Variants in DLGAP1 observed in about 807,000 individuals in gnomAD.
The protein encoded by DLGAP1 is DLG associated protein 1, also known as disks large-associated protein 1.
DLGAP1 carries 11 observed loss-of-function variants against 90.8 expected under a neutral mutation model. The observed-to-expected ratio is 0.12, with a 90% confidence interval of 0.08 to 0.20. DLGAP1 has a LOEUF of 0.20. Among genes scored for constraint, DLGAP1 ranks in the 10% least tolerant of loss-of-function variants. DLGAP1 has a pLI of 1.00. For missense variants in DLGAP1, 1,050 were observed against 1,333.8 expected, an observed-to-expected ratio of 0.79 and a Z score of 3.31; for synonymous variants, 558 against 540.7, an observed-to-expected ratio of 1.03 and a Z score of -0.44.
At chr18:3,642,379 C>T (rs1426582539) in intron 7 of DLGAP1, among the ~76,000 whole-genome samples, 6 of 152,108 alleles carry the variant, frequency 3.9e-5, no homozygotes, top group Non-Finnish European at 8.8e-5. Flanking sequence ...GGAGCATTTT[C>T]GATTTCAGAT....
At chr18:3,669,851 A>C (rs2060023658) in intron 7 of DLGAP1, among the ~76,000 whole-genome samples, 2 of 152,260 alleles carry the variant, frequency 1.3e-5, no homozygotes, top group South Asian at 4.2e-4. Flanking sequence ...GTGAACTAAC[A>C]CAAGCTGCCT....
intron 1 of DLGAP1, among the ~76,000 whole-genome samples, chr18:4,288,674 A>G (rs900096369): frequency 7.9e-5 from 12 of 151,998 alleles, no homozygotes; most frequent in African/African-American, 2.4e-4. Context: ...AGAAAGAGGG[A>G]GACACTTGAA....
rs139376027 is a variant in DLGAP1, at chr18:3,688,924, A to G, written c.1591+40211T>C. ...CATGTTAATAAGAAACAGATTTGAT[A>G]CTGGGAATGCTGTCATGGAGAACCC... On this transcript the variant is annotated intron_variant, in intron 7 of 12. Transcript: ENST00000315677. Among the ~76,000 whole-genome samples, 3 of 152,258 alleles carry G rather than the reference A, an allele frequency of 2.0e-5. No individual in the cohort carries two copies. The East Asian group carries it at 5.8e-4, about 29-fold the overall frequency.
At chr18:3,859,423 C>T (rs2148726681) in intron 4 of DLGAP1, among the ~76,000 whole-genome samples, 2 of 152,292 alleles carry the variant, frequency 1.3e-5, no homozygotes, top group Middle Eastern at 6.8e-3. Flanking sequence ...CCCAAAGACG[C>T]CCATGTCTTA....
intron 1 of DLGAP1, among the ~76,000 whole-genome samples, chr18:4,380,702 C>G (rs535335447): frequency 6.6e-6 from 1 of 152,302 alleles, no homozygotes; most frequent in Middle Eastern, 3.4e-3. Context: ...TTTGCCATAT[C>G]ATTAATATGT....
At chr18:4,452,670 G>T (rs2083864053) in intron 1 of DLGAP1, among the ~76,000 whole-genome samples, 1 of 152,170 alleles carries the variant, frequency 6.6e-6, no homozygotes. Context: ...ATTTTGGAAG[G>T]AAGGTCTTGT....
intron 4 of DLGAP1, chr18:3,845,096 T>C: frequency 9.0e-7 from 1 of 1,112,720 alleles, no homozygotes; most frequent in Admixed American, 2.4e-5. Flanking sequence ...AAATTGTTCA[T>C]CCCCAGTTCA....
intron 1 of DLGAP1, among the ~76,000 whole-genome samples, chr18:4,385,882 G>C (rs62085633): frequency 0.026 from 3,894 of 152,228 alleles, 63 homozygotes; most frequent in South Asian, 0.071. Flanking sequence ...TGCTGTTGTT[G>C]AAATCACTTT....
chr18:4,182,125 C>A (rs1363766499), intron 1 of DLGAP1, among the ~76,000 whole-genome samples: 1 of 152,092 alleles, frequency 6.6e-6, no homozygotes, highest in Non-Finnish European at 1.5e-5. Flanking sequence ...ACTGCAGAAA[C>A]TGGCAAATAT....
intron 2 of DLGAP1, among the ~76,000 whole-genome samples, chr18:4,109,877 TTTTG>T (rs536914244): frequency 4.4e-4 from 67 of 152,282 alleles, no homozygotes; most frequent in East Asian, 2.5e-3. Flanking sequence ...CTAGGTGTTT[TTTTG>T]TTTGTTTGTT....
At chr18:4,374,365 A>G (rs2144247297) in intron 1 of DLGAP1, among the ~76,000 whole-genome samples, 1 of 152,304 alleles carries the variant, frequency 6.6e-6, no homozygotes, top group East Asian at 1.9e-4. Context: ...ATGCAAAAAC[A>G]TTAAGTAATA....
intron 5 of DLGAP1, among the ~76,000 whole-genome samples, chr18:3,791,509 CAT>C (rs1158697693): frequency 1.4e-5 from 2 of 147,312 alleles, no homozygotes; most frequent in Non-Finnish European, 3.0e-5. Flanking sequence ...GTGATGTGCA[CAT>C]GTGCGTGTGT....
intron 2 of DLGAP1, among the ~76,000 whole-genome samples, chr18:4,064,961 A>G (rs2075350656): frequency 6.6e-6 from 1 of 152,192 alleles, no homozygotes; most frequent in African/African-American, 2.4e-5. Flanking sequence ...CTAGAAGCAC[A>G]TCAAAAAGGT....
chr18:4,204,569 C>T (rs1487149095), intron 1 of DLGAP1, among the ~76,000 whole-genome samples: 1 of 151,962 alleles, frequency 6.6e-6, no homozygotes, highest in Non-Finnish European at 1.5e-5. Context: ...AACACCCTCC[C>T]TCCTCACCAT....
intron 1 of DLGAP1, among the ~76,000 whole-genome samples, chr18:4,172,631 T>TG (rs1395012397): frequency 6.6e-6 from 1 of 152,060 alleles, no homozygotes; most frequent in African/African-American, 2.4e-5. Context: ...TGTCAACTGG[T>TG]GAACATAAGG....
chr18:3,660,988 C>T lies in DLGAP1; in HGVS notation c.1591+68147G>A, dbSNP rs938994363. 2.0e-5 allele frequency among the ~76,000 whole-genome samples: 3 copies of T among 152,212 alleles called. No homozygotes were observed. Among genetic ancestry groups the T allele is most frequent in the Admixed American group, 6.5e-5 (1 of 15,274 alleles). ...AAAAAAGAACTTCAGCCTTTAATAT[C>T]CTTTTTCTAAGTTATTCCCATGCTG... is the stretch of plus-strand genomic sequence containing the variant. On this transcript the variant is annotated intron_variant, in intron 7 of 12. Transcript: ENST00000315677. The surrounding 1 kb of genome is among the most constrained non-coding windows in gnomAD (Gnocchi z 4.2).
Position 4,265,651 on chromosome 18 carries a change from CCCTCCCTCCCTCCCTTCCTTCCTT to C in DLGAP1, c.-266-114388_-266-114365del, listed in dbSNP as rs1320141487. ...CTTCCCTCCCTCCCCTTCCCTCCCT[CCCTCCCTCCCTCCCTTCCTTCCTT>C]CCTTCCTTCCTTCCTTCCTTCCTTC... On this transcript the variant is annotated intron_variant, in intron 1 of 12. Coordinates refer to ENST00000315677, the MANE Select transcript of DLGAP1 (RefSeq NM_004746.4). Among the ~76,000 whole-genome samples the C allele has an allele frequency of 1.9e-4, 10 of 51,442 alleles. 1 individual carries two copies. The African/African-American group carries it at 2.4e-3, about 12-fold the overall frequency. 33.7% of individuals were successfully genotyped at this position (51,442 alleles called of 152,430 possible).
chr18:4,222,135 TTTC>T (rs1218201056), intron 1 of DLGAP1, among the ~76,000 whole-genome samples: 4 of 152,184 alleles, frequency 2.6e-5, no homozygotes, highest in African/African-American at 9.6e-5. Context: ...TTTTATTTTC[TTTC>T]TTTACTTAAA....
intron 7 of DLGAP1, among the ~76,000 whole-genome samples, chr18:3,726,772 G>A (rs532814125): frequency 1.3e-5 from 2 of 152,284 alleles, no homozygotes; most frequent in South Asian, 4.1e-4. Context: ...AACCCCAGGG[G>A]CAAGTCACAC....
Sources: gnomAD v4.1 joint callset for allele counts (sites outside exome capture counted in the v4.1 genomes callset) on GRCh38, gnomAD v4.1.1 for gene constraint, Gnocchi (gnomAD v3.1) non-coding constraint, MANE v1.5 for transcripts, NCBI Gene and HGNC (gene_info 2026-07-23, HGNC 2026-07-21) for gene names.